The following PRELID2 variants were observed in gnomAD, a reference collection of about 807,000 sequenced individuals.
PRELID2 encodes the protein PRELI domain containing 2.
In PRELID2, 25 loss-of-function variants were observed where a neutral mutation model predicts 28.4. The ratio of observed to expected loss-of-function variants is 0.88; its 90% CI spans 0.64 to 1.23. The LOEUF is 1.23. PRELID2 is among the 50% of genes most tolerant of loss of function. The probability of loss-of-function intolerance (pLI) is 0.00; values close to 1 mark genes in which losing one functional copy is unlikely to be tolerated. For synonymous variants in PRELID2, 76 were observed against 71.6 expected (o/e 1.06, Z -0.31); for missense variants, 201 against 214.4 (o/e 0.94, Z 0.39).
At chr5:145,399,679 C>A in the PRELID2 span, among the ~76,000 whole-genome samples, 3 of 152,030 alleles carry the variant, frequency 2.0e-5, no homozygotes, top group African/African-American at 7.2e-5. Context: ...TTAATTACTC[C>A]GTTTTCATGC....
intron 1 of PRELID2, among the ~76,000 whole-genome samples, chr5:145,525,821 G>T (rs1052440385): frequency 6.6e-6 from 1 of 152,148 alleles, no homozygotes. Context: ...TGCATTTAAA[G>T]GTGGATATAT....
At chr5:145,246,447 G>T in the PRELID2 span, among the ~76,000 whole-genome samples, 1 of 152,078 alleles carries the variant, frequency 6.6e-6, no homozygotes, top group East Asian at 1.9e-4. Flanking sequence ...AAAATGTAAA[G>T]ATACTGTAAC....
chr5:145,326,186 A>T, the PRELID2 span, among the ~76,000 whole-genome samples: 1 of 152,054 alleles, frequency 6.6e-6, no homozygotes, highest in Non-Finnish European at 1.5e-5. Flanking sequence ...TTTAATTTTT[A>T]GTAAGGAAGA....
At chr5:145,786,222 G>A (rs1751985148) in intron 5 of PRELID2, among the ~76,000 whole-genome samples, 1 of 152,132 alleles carries the variant, frequency 6.6e-6, no homozygotes, top group South Asian at 2.1e-4. Context: ...GTTGGATAAG[G>A]TCAGTGTGGC....
chr5:145,406,002 G>A, the PRELID2 span, among the ~76,000 whole-genome samples: 1 of 152,054 alleles, frequency 6.6e-6, no homozygotes, highest in African/African-American at 2.4e-5. Context: ...ACCACAGCCA[G>A]CTGGTACCAC....
chr5:145,579,826 T>C (rs1753092636), intron 1 of PRELID2, among the ~76,000 whole-genome samples: 1 of 152,018 alleles, frequency 6.6e-6, no homozygotes, highest in African/African-American at 2.4e-5. Context: ...CACATTTTAG[T>C]AGCATGTCAT....
chr5:145,823,468 C>G (rs1754969578), intron 1 of PRELID2, among the ~76,000 whole-genome samples: 1 of 152,212 alleles, frequency 6.6e-6, no homozygotes, highest in South Asian at 2.1e-4. Flanking sequence ...AGGCACTGTA[C>G]TAAATGCTTT....
At chr5:145,461,923 A>G in the PRELID2 span, among the ~76,000 whole-genome samples, 3 of 152,218 alleles carry the variant, frequency 2.0e-5, no homozygotes, top group Non-Finnish European at 4.4e-5. Flanking sequence ...AAATACATGG[A>G]CTATGTATGC....
the PRELID2 span, among the ~76,000 whole-genome samples, chr5:145,326,781 A>G: frequency 6.6e-6 from 1 of 152,170 alleles, no homozygotes; most frequent in Non-Finnish European, 1.5e-5. Context: ...TCATAGACCC[A>G]TAGGCAATGA....
At chr5:145,416,462 C>T in the PRELID2 span, among the ~76,000 whole-genome samples, 1 of 151,932 alleles carries the variant, frequency 6.6e-6, no homozygotes, top group Non-Finnish European at 1.5e-5. Flanking sequence ...AAAGAAACTA[C>T]CATCAGAGTG....
At chr5:145,449,749 A>G in the PRELID2 span, among the ~76,000 whole-genome samples, 4 of 152,078 alleles carry the variant, frequency 2.6e-5, 1 homozygote, top group South Asian at 2.1e-4. Flanking sequence ...GAAGGCTCCA[A>G]TAGCTCCTAG....
chr5:145,565,761 C>G (rs1342753725), intron 1 of PRELID2, among the ~76,000 whole-genome samples: 3 of 152,242 alleles, frequency 2.0e-5, no homozygotes, highest in Non-Finnish European at 4.4e-5. Flanking sequence ...CACACACTTC[C>G]TTTGCAGGCT....
At chr5:145,389,904 C>T in the PRELID2 span, among the ~76,000 whole-genome samples, 1 of 152,082 alleles carries the variant, frequency 6.6e-6, no homozygotes, top group African/African-American at 2.4e-5. Context: ...CTTAAAATTA[C>T]CCAAGTAAAC....
intron 3 of PRELID2, among the ~76,000 whole-genome samples, chr5:145,818,592 T>C (rs1029640757): frequency 2.0e-5 from 3 of 152,114 alleles, no homozygotes; most frequent in Non-Finnish European, 4.4e-5. Context: ...AAATAATAGA[T>C]TCAGAGTGAG....
At chr5:145,713,443 C>CAT (rs1299153017) in intron 1 of PRELID2, among the ~76,000 whole-genome samples, 2 of 138,428 alleles carry the variant, frequency 1.4e-5, no homozygotes, top group Non-Finnish European at 3.1e-5. Context: ...TATATATATA[C>CAT]ATATATATGT....
the PRELID2 span, among the ~76,000 whole-genome samples, chr5:145,271,919 G>A: frequency 6.6e-6 from 1 of 152,224 alleles, no homozygotes; most frequent in Admixed American, 6.5e-5. Context: ...CTCTTCAAAT[G>A]TGAATAGCAG....
At chr5:145,417,218 C>A in the PRELID2 span, among the ~76,000 whole-genome samples, 1 of 151,996 alleles carries the variant, frequency 6.6e-6, no homozygotes, top group Non-Finnish European at 1.5e-5. Flanking sequence ...AATCCCCAAA[C>A]AGATTGATAA....
the PRELID2 span, among the ~76,000 whole-genome samples, chr5:145,392,385 G>C: frequency 6.6e-6 from 1 of 152,026 alleles, no homozygotes; most frequent in Admixed American, 6.6e-5. Context: ...ACTATCAAGA[G>C]AACAGCATGA....
chr5:145,646,722 G>T (rs1217675241), intron 1 of PRELID2, among the ~76,000 whole-genome samples: 1 of 152,152 alleles, frequency 6.6e-6, no homozygotes, highest in Non-Finnish European at 1.5e-5. Context: ...GGGTCTCTGA[G>T]TGGATGTTCT....
Sources: allele counts gnomAD v4.1 joint callset (sites outside exome capture counted in the v4.1 genomes callset), GRCh38; gene constraint gnomAD v4.1.1; transcripts MANE v1.5; gene names NCBI Gene and HGNC (gene_info 2026-07-23, HGNC 2026-07-21).